The following DIAPH2 variants were observed in gnomAD, a reference collection of about 807,000 sequenced individuals.
DIAPH2 encodes the protein diaphanous related formin 2.
Under a neutral mutation model 92.7 loss-of-function variants are expected in DIAPH2, and 35 were observed. That is an observed-to-expected ratio of 0.38 (90% CI 0.29 to 0.50). DIAPH2 has a LOEUF of 0.50. Among genes scored for constraint, DIAPH2 ranks in the 20% least tolerant of loss-of-function variants. The pLI is 0.94. For missense variants in DIAPH2, 701 were observed against 819.5 expected (o/e 0.86, Z 1.77); for synonymous variants, 301 against 280.4 (o/e 1.07, Z -0.73).
At chrX:96,882,054 CTTT>C (rs72319311) in intron 5 of DIAPH2, among the ~76,000 whole-genome samples, 1 of 101,636 alleles carries the variant, frequency 9.8e-6, no homozygotes. Context: ...TGATTTTATT[CTTT>C]TTTTTTTTTG....
At chrX:96,935,087 C>T (rs2065648444) in intron 10 of DIAPH2, among the ~76,000 whole-genome samples, 1 of 111,082 alleles carries the variant, frequency 9.0e-6, no homozygotes, top group South Asian at 3.7e-4. Context: ...AGATCTATAC[C>T]GCATGTCTTT....
At chrX:96,690,647 A>G (rs993171963) in intron 1 of DIAPH2, among the ~76,000 whole-genome samples, 4 of 112,072 alleles carry the variant, frequency 3.6e-5, no homozygotes, top group Admixed American at 9.5e-5. Flanking sequence ...TATGCATTCT[A>G]TCCTTTTACT....
At chrX:97,106,652 G>A (rs897919807) in intron 20 of DIAPH2, among the ~76,000 whole-genome samples, 4 of 111,423 alleles carry the variant, frequency 3.6e-5, no homozygotes, top group Non-Finnish European at 1.9e-5. Context: ...TTATGGCTGT[G>A]TCCAGGCATG....
At chrX:97,389,705 G>A (rs893901261) in intron 25 of DIAPH2, among the ~76,000 whole-genome samples, 3 of 110,894 alleles carry the variant, frequency 2.7e-5, no homozygotes, top group Admixed American at 9.7e-5. Flanking sequence ...TGAGACAACT[G>A]GGATGCAGCA....
chrX:97,551,615 A>C (rs1171581830), intron 26 of DIAPH2, among the ~76,000 whole-genome samples: 1 of 110,231 alleles, frequency 9.1e-6, no homozygotes, highest in Non-Finnish European at 1.9e-5. Flanking sequence ...AAAAAATTAA[A>C]ATTAAATTTA....
rs181470138 is a variant in DIAPH2 at position 97,043,174 on chromosome X, A to G, written c.2051-29767A>G. ...CTTTCTGTGAATGTGAACAAGCTTC[A>G]CCAATTTTAGCAGTTCAATTTTAGA... is the stretch of plus-strand genomic sequence containing the variant. On this transcript the variant is annotated intron_variant, in intron 17 of 26. Coordinates refer to ENST00000324765, the MANE Select transcript of DIAPH2 (RefSeq NM_006729.5). 9.8e-5 allele frequency among the ~76,000 whole-genome samples: 11 copies of G among 111,738 alleles called. No homozygotes were observed. The Admixed American group carries it at 1.0e-3, about 11-fold the overall frequency.
intron 5 of DIAPH2, among the ~76,000 whole-genome samples, chrX:96,909,843 G>A (rs141363108): frequency 0.011 from 1,199 of 110,084 alleles, 22 homozygotes; most frequent in African/African-American, 0.037. Context: ...ATGTGTGGGC[G>A]ACTGATTTCA....
At chrX:97,060,610 A>C (rs1409925985) in intron 17 of DIAPH2, among the ~76,000 whole-genome samples, 1 of 111,855 alleles carries the variant, frequency 8.9e-6, no homozygotes, top group Non-Finnish European at 1.9e-5. Context: ...TAAACATTGC[A>C]TTCATCTTAT....
In DIAPH2 at chrX:97,599,800, A is replaced by C. The variant is rs1353152478; in HGVS notation, c.*483A>C. 8.8e-6 allele frequency: 1 copy of C among 113,458 alleles called. No individual in the cohort carries two copies. Among genetic ancestry groups the C allele is most frequent in the Non-Finnish European group, 1.9e-5 (1 of 53,909 alleles). 9.4% of individuals were successfully genotyped at this position (113,458 alleles called of 1,213,427 possible). On this transcript the variant is annotated 3_prime_UTR_variant, in exon 27 of 27. Transcript: ENST00000324765. Reference sequence around the variant, plus strand: ...TGCATCTTGATTTGGAGAGAGGCTAATATTATGCACACTGTAAGAGAAGCC... The same window carrying C: ...TGCATCTTGATTTGGAGAGAGGCTACTATTATGCACACTGTAAGAGAAGCC...
rs144208736 is a variant in DIAPH2, at chrX:96,935,386, C to A, written c.1090-1847C>A. ...TATGAATATATATTTACAGTAAGTT[C>A]TTAGTTAATGTCATTGATAGGATCT... On this transcript the variant is annotated intron_variant, in intron 10 of 26. Coordinates refer to ENST00000324765, the MANE Select transcript of DIAPH2 (RefSeq NM_006729.5). Among the ~76,000 whole-genome samples, 906 of 111,207 alleles carry A rather than the reference C, an allele frequency of 8.1e-3. 8 individuals are homozygous for A. Among genetic ancestry groups the A allele is most frequent in the African/African-American group, 0.029 (878 of 30,720 alleles).
intron 1 of DIAPH2, among the ~76,000 whole-genome samples, chrX:96,729,137 G>A (rs1213910141): frequency 8.9e-6 from 1 of 112,060 alleles, no homozygotes; most frequent in Non-Finnish European, 1.9e-5. Context: ...GAGTCAGATG[G>A]TTACATTCTT....
intron 17 of DIAPH2, among the ~76,000 whole-genome samples, chrX:97,015,301 G>A (rs1335716161): frequency 9.0e-6 from 1 of 111,481 alleles, no homozygotes; most frequent in Admixed American, 9.5e-5. Context: ...GCATTCTTGA[G>A]GATATTTCAT....
chrX:96,851,987 T>A (rs1156993620), intron 4 of DIAPH2, among the ~76,000 whole-genome samples: 2 of 112,237 alleles, frequency 1.8e-5, no homozygotes, highest in African/African-American at 6.5e-5. Context: ...GCTATGGTAG[T>A]TAAAACTTTT....
rs1315565473 is a variant in DIAPH2 at position 97,268,861 on chromosome X, T to C, written c.2844+21022T>C. 1.2e-4 allele frequency among the ~76,000 whole-genome samples: 12 copies of C among 98,983 alleles called. 1 individual carries two copies. The highest frequency in any genetic ancestry group is 4.5e-4 in the African/African-American group (12 of 26,713). The allele number at this position is 98,983 out of a possible 115,157, so 86.0% of individuals were successfully genotyped here. A position where few individuals can be genotyped will look rare whatever the true frequency, so the allele number is the denominator to read the frequency against. On this transcript the variant is annotated intron_variant, in intron 23 of 26. Transcript: ENST00000324765. ...CTTTTTTTTTTCTTTTCTTTCTTTT[T>C]TTTTTTTTTTTTTGAGACAGAGTCT...
rs777286246 is a variant in DIAPH2, at chrX:97,195,690, T to G, written c.2720-52025T>G. On this transcript the variant is annotated intron_variant, in intron 22 of 26. Transcript: ENST00000324765. ...AAAAAAAAAAAAAAAGTGGATAGAT[T>G]GCTAATAAATGGAAAGTAATACAAA... Among the ~76,000 whole-genome samples the G allele has an allele frequency of 2.8e-5, 3 of 107,126 alleles. No homozygotes were observed. In the East Asian group the frequency reaches 8.7e-4, roughly 31 times the overall value. 93.0% of individuals were successfully genotyped at this position (107,126 alleles called of 115,157 possible).
intron 26 of DIAPH2, among the ~76,000 whole-genome samples, chrX:97,452,455 G>T (rs2070366887): frequency 8.9e-6 from 1 of 111,803 alleles, no homozygotes; most frequent in African/African-American, 3.2e-5. Flanking sequence ...TGTAAAAAGT[G>T]ATACTAGGAC....
intron 4 of DIAPH2, among the ~76,000 whole-genome samples, chrX:96,867,379 C>G (rs192379781): frequency 9.0e-6 from 1 of 110,749 alleles, no homozygotes; most frequent in Non-Finnish European, 1.9e-5. Flanking sequence ...CCACCATGCC[C>G]AACTTATTTT....
At chrX:97,556,821 G>A (rs760091151) in intron 26 of DIAPH2, among the ~76,000 whole-genome samples, 1 of 111,734 alleles carries the variant, frequency 8.9e-6, no homozygotes, top group Admixed American at 9.5e-5. Context: ...TGAATAATAC[G>A]CGGTCTCTGA....
chrX:97,591,709 A>G (rs1286560967), intron 26 of DIAPH2, among the ~76,000 whole-genome samples: 2 of 112,048 alleles, frequency 1.8e-5, no homozygotes, highest in Non-Finnish European at 3.8e-5. Flanking sequence ...TTTACCAGCT[A>G]TTGCCTAACT....
Sources: gnomAD v4.1 joint callset for allele counts (sites outside exome capture counted in the v4.1 genomes callset) on GRCh38, gnomAD v4.1.1 for gene constraint, MANE v1.5 for transcripts, NCBI Gene and HGNC (gene_info 2026-07-23, HGNC 2026-07-21) for gene names.